Variants in BLVRA observed in about 807,000 individuals in gnomAD.
BLVRA encodes the protein BVR A.
A neutral mutation model predicts 32.8 loss-of-function variants in BLVRA; 22 were observed. The observed-to-expected ratio is 0.67, with a 90% CI of 0.48 to 0.96. The LOEUF (loss-of-function observed/expected upper bound fraction) is 0.96, where lower values mean the gene tolerates loss of function less well. Among genes scored for constraint, BLVRA ranks in the 40% least tolerant of loss-of-function variants. The pLI, the probability that BLVRA is intolerant of heterozygous loss-of-function variation, is 0.00. For synonymous variants in BLVRA, 119 were observed against 141.3 expected (o/e 0.84, Z 1.12); for missense variants, 323 against 358.1 (o/e 0.90, Z 0.79).
rs1276904542 is a variant in BLVRA, at chr7:43,791,315, G to C, written c.201G>C (p.Glu67Asp). ...TGGAGGATGCTCTTTCCAGCCAAGAGGTGGAGGTCGCCTATATCTGCAGTG... is the reference window on the plus strand; with the variant it reads ...TGGAGGATGCTCTTTCCAGCCAAGACGTGGAGGTCGCCTATATCTGCAGTG... ...ISLEDALSSQ[E>D]VEVAYICSES... Residue 67 changes from glutamate (E) to aspartate (D), a missense_variant, in exon 4 of 8, where the codon GAG becomes GAC. Transcript: ENST00000265523. 6.2e-7 allele frequency: 1 copy of C among 1,614,218 alleles called. No homozygotes were observed. The highest frequency in any genetic ancestry group is 8.5e-7 in the Non-Finnish European group (1 of 1,180,030).
chr7:43,774,469 G>C (rs1276901017), intron 2 of BLVRA, among the ~76,000 whole-genome samples: 2 of 152,166 alleles, frequency 1.3e-5, no homozygotes, highest in Non-Finnish European at 2.9e-5. Flanking sequence ...CATTATTTCT[G>C]AGGGCTCTGT....
intron 2 of BLVRA, among the ~76,000 whole-genome samples, chr7:43,778,597 C>CG (rs1752116245): frequency 6.6e-6 from 1 of 152,208 alleles, no homozygotes; most frequent in African/African-American, 2.4e-5. Context: ...TTAGGCTGCT[C>CG]GGGGGTCAGG....
intron 3 of BLVRA, among the ~76,000 whole-genome samples, chr7:43,790,426 GACACACACACACAC>G (rs138248593): frequency 6.6e-6 from 1 of 151,004 alleles, no homozygotes; most frequent in Non-Finnish European, 1.5e-5. Flanking sequence ...GAGGGAGGAA[GACACACACACACAC>G]ACAAACACAC....
At position 43,803,850 on chromosome 7, in the gene BLVRA, A is replaced by G; in HGVS notation, c.632+3A>G. The stretch of plus-strand genomic sequence containing the variant: ...TGTCTGGAGACAGAGAAGAAAAGGT[A>G]AGTCATGAGAAGCCATGAGGAGGAG... On this transcript the variant is annotated splice_donor_region_variant and intron_variant, in intron 7 of 7. Coordinates refer to ENST00000265523, the MANE Select transcript of BLVRA (RefSeq NM_000712.4). 6.2e-7 allele frequency: 1 copy of G among 1,613,832 alleles called. No individual in the cohort carries two copies.
At chr7:43,783,820 C>G (rs370114271) in intron 2 of BLVRA, among the ~76,000 whole-genome samples, 8 of 152,238 alleles carry the variant, frequency 5.3e-5, no homozygotes, top group African/African-American at 1.9e-4. Flanking sequence ...TTAATTCTTG[C>G]AAATAGTGGA....
At chr7:43,806,671 C>T (rs1454189325) in intron 7 of BLVRA, among the ~76,000 whole-genome samples, 1 of 151,820 alleles carries the variant, frequency 6.6e-6, no homozygotes, top group Non-Finnish European at 1.5e-5. Context: ...TTGCTTGAAC[C>T]CAGAAGGCAG....
intron 1 of BLVRA, among the ~76,000 whole-genome samples, chr7:43,770,170 G>C (rs1465208905): frequency 6.6e-6 from 1 of 152,130 alleles, no homozygotes; most frequent in Non-Finnish European, 1.5e-5. Context: ...CATCGTCATC[G>C]GCTTCCTGGA....
intron 2 of BLVRA, among the ~76,000 whole-genome samples, chr7:43,782,557 G>T (rs550156698): frequency 6.6e-6 from 1 of 152,148 alleles, no homozygotes; most frequent in African/African-American, 2.4e-5. Context: ...TGGGAATGCG[G>T]CTTGGAAGAG....
At chr7:43,765,102 G>A (rs566869830) in intron 1 of BLVRA, among the ~76,000 whole-genome samples, 80 of 152,350 alleles carry the variant, frequency 5.3e-4, no homozygotes, top group African/African-American at 1.6e-3. Context: ...GATACGGGGG[G>A]AGGAGAAACC....
At chr7:43,792,936 A>G (rs2095787845) in intron 5 of BLVRA, 124 bp downstream of exon 5, 1 of 926,932 alleles carries the variant, frequency 1.1e-6, no homozygotes, top group South Asian at 1.4e-5. Context: ...TGGGCTCCCA[A>G]CTGCCTCCTC....
chr7:43,783,418 T>A (rs1440264042), intron 2 of BLVRA, among the ~76,000 whole-genome samples: 1 of 152,242 alleles, frequency 6.6e-6, no homozygotes, highest in Non-Finnish European at 1.5e-5. Flanking sequence ...GGCTGTCGTT[T>A]GCTTCTTTCA....
chr7:43,761,943 G>A (rs1167473760), intron 1 of BLVRA, among the ~76,000 whole-genome samples: 1 of 152,000 alleles, frequency 6.6e-6, no homozygotes, highest in Non-Finnish European at 1.5e-5. Context: ...TTTCTCAATA[G>A]ATCCCAAAGT....
At chr7:43,764,113 A>C (rs959926884) in intron 1 of BLVRA, 4 of 152,202 alleles carry the variant, frequency 2.6e-5, no homozygotes, top group Non-Finnish European at 5.9e-5. Flanking sequence ...TTAGAAACAA[A>C]AGTTAGACCC....
intron 6 of BLVRA, 23 bp downstream of exon 6, chr7:43,800,595 G>C: frequency 6.3e-7 from 1 of 1,598,744 alleles, no homozygotes; most frequent in Non-Finnish European, 8.6e-7. Context: ...TGGGATCACA[G>C]GTCACATGTG....
intron 1 of BLVRA, among the ~76,000 whole-genome samples, chr7:43,760,770 CTT>C (rs34256119): frequency 2.5e-4 from 33 of 133,062 alleles, no homozygotes; most frequent in South Asian, 4.8e-4. Context: ...CCTCTTGAGT[CTT>C]TTTTTTTTTT....
intron 2 of BLVRA, among the ~76,000 whole-genome samples, chr7:43,773,010 G>A (rs373187910): frequency 6.6e-6 from 1 of 152,122 alleles, no homozygotes; most frequent in African/African-American, 2.4e-5. Context: ...CCTTTGCCAT[G>A]TGCATCATTA....
chr7:43,803,011 G>A (rs1047077523), intron 6 of BLVRA, among the ~76,000 whole-genome samples: 1 of 152,334 alleles, frequency 6.6e-6, no homozygotes, highest in African/African-American at 2.4e-5. Flanking sequence ...TGGGACTACA[G>A]GCGTGAGCCA....
At chr7:43,761,300 A>C (rs1336677569) in intron 1 of BLVRA, among the ~76,000 whole-genome samples, 3 of 152,236 alleles carry the variant, frequency 2.0e-5, no homozygotes, top group Non-Finnish European at 4.4e-5. Flanking sequence ...AATTGAGATG[A>C]GAGAAAGTAT....
chr7:43,800,694 C>T, intron 6 of BLVRA, 122 bp downstream of exon 6: 1 of 866,962 alleles, frequency 1.2e-6, no homozygotes, highest in Non-Finnish European at 1.9e-6. Flanking sequence ...CTCAGGGCCA[C>T]TTAATTTTCC....
Sources: gnomAD v4.1 joint callset for allele counts (sites outside exome capture counted in the v4.1 genomes callset) on GRCh38, gnomAD v4.1.1 for gene constraint, MANE v1.5 for transcripts, NCBI Gene and HGNC (gene_info 2026-07-23, HGNC 2026-07-21) for gene names.